Variants in ARHGEF38 observed in about 807,000 individuals in gnomAD.
The protein encoded by ARHGEF38 is Rho guanine nucleotide exchange factor 38, also known as Rho guanine nucleotide exchange factor (GEF) 38.
Under a neutral mutation model 79.9 loss-of-function variants are expected in ARHGEF38, and 79 were observed. The observed-to-expected ratio is 0.99, with a 90% CI of 0.82 to 1.19. ARHGEF38 has a LOEUF of 1.19. ARHGEF38 is among the 50% of genes most tolerant of loss of function. The pLI, the probability that ARHGEF38 is intolerant of heterozygous loss-of-function variation, is 0.00. For synonymous variants in ARHGEF38, 366 were observed against 328.3 expected, an observed-to-expected ratio of 1.11 and a Z score of -1.24; for missense variants, 962 against 907.2, an observed-to-expected ratio of 1.06 and a Z score of -0.78.
Position 105,655,618 on chromosome 4 carries a change from G to C in ARHGEF38, c.1129G>C (p.Ala377Pro). Reference protein sequence around the residue: ...LQHIQDAMPLALQSVMDLQEI... With the variant: ...LQHIQDAMPLPLQSVMDLQEI... Reference sequence around the variant, plus strand: ...TGGGTTTCAGGATGCCATGCCCCTGGCTCTGCAGAGTGTGATGGACCTTCA... The same window carrying C: ...TGGGTTTCAGGATGCCATGCCCCTGCCTCTGCAGAGTGTGATGGACCTTCA... Residue 377 changes from alanine (A) to proline (P), a missense_variant, in exon 9 of 14, where the codon GCT becomes CCT. Physicochemically the swap from Ala to Pro is conservative, Grantham distance 27. Transcript: ENST00000420470. 6.5e-7 allele frequency: 1 copy of C among 1,535,752 alleles called. No homozygotes were observed.
chr4:105,618,590 C>T (rs1342454968), intron 3 of ARHGEF38, among the ~76,000 whole-genome samples: 1 of 152,120 alleles, frequency 6.6e-6, no homozygotes, highest in Non-Finnish European at 1.5e-5. Context: ...CACTGCACTC[C>T]AGCCTGGGTG....
At chr4:105,575,744 T>G (rs1301861135) in intron 1 of ARHGEF38, among the ~76,000 whole-genome samples, 2 of 151,938 alleles carry the variant, frequency 1.3e-5, no homozygotes, top group African/African-American at 4.8e-5. Flanking sequence ...TCCAGAAGAG[T>G]TTTTTCAAAG....
chr4:105,667,181 A>G lies in ARHGEF38; in HGVS notation c.1742A>G (p.Tyr581Cys), dbSNP rs774290764. The G allele has an allele frequency of 2.6e-6, 4 of 1,536,076 alleles. No individual in the cohort carries two copies. The highest frequency in any genetic ancestry group is 1.4e-5 in the African/African-American group (1 of 73,160). ...CATCGCTCCAAACTTCTATCCACATATAGTGCAGAGGAACTCTATCAAGCT... is the reference window on the plus strand; with the variant it reads ...CATCGCTCCAAACTTCTATCCACATGTAGTGCAGAGGAACTCTATCAAGCT... ...DIHRSKLLST[Y>C]SAEELYQAKR... Residue 581 changes from tyrosine (Y) to cysteine (C), a missense_variant, in exon 12 of 14, where the codon TAT becomes TGT. Tyr to Cys is a radical substitution (Grantham distance 194). Coordinates refer to ENST00000420470, the MANE Select transcript of ARHGEF38 (RefSeq NM_001242729.2).
chr4:105,606,215 A>C (rs201198423), intron 2 of ARHGEF38, among the ~76,000 whole-genome samples: 1 of 152,070 alleles, frequency 6.6e-6, no homozygotes, highest in Admixed American at 6.6e-5. Flanking sequence ...TTGAACCTGG[A>C]TTTACTGCAA....
chr4:105,680,205 T>C lies in ARHGEF38; in HGVS notation c.*2268T>C, dbSNP rs905614263. ...AGGCCTTTCTTTTAGTGTTTTCCCTTTTCTTTTCCTTAAGTCACTAAAATC... is the reference window on the plus strand; with the variant it reads ...AGGCCTTTCTTTTAGTGTTTTCCCTCTTCTTTTCCTTAAGTCACTAAAATC... On this transcript the variant is annotated 3_prime_UTR_variant, in exon 14 of 14. Coordinates refer to ENST00000420470, the MANE Select transcript of ARHGEF38 (RefSeq NM_001242729.2). The C allele has an allele frequency of 4.2e-6, 2 of 477,712 alleles. No homozygotes were observed. Among genetic ancestry groups the C allele is most frequent in the Admixed American group, 3.3e-5 (1 of 30,402 alleles). 29.6% of individuals were successfully genotyped at this position (477,712 alleles called of 1,614,324 possible).
At chr4:105,651,650 C>A (rs776958386) in intron 7 of ARHGEF38, among the ~76,000 whole-genome samples, 7 of 152,110 alleles carry the variant, frequency 4.6e-5, no homozygotes, top group Admixed American at 1.3e-4. Flanking sequence ...TTCTCTCTCT[C>A]TTTTTTTAAA....
At chr4:105,682,524 T>C, downstream of ARHGEF38, 1 of 503,602 alleles carries the variant, frequency 2.0e-6, no homozygotes, top group Non-Finnish European at 3.5e-6. Flanking sequence ...TTTCACACAC[T>C]ATGGAAATCA....
intron 7 of ARHGEF38, among the ~76,000 whole-genome samples, chr4:105,653,776 C>T (rs1001339102): frequency 6.6e-6 from 1 of 152,122 alleles, no homozygotes; most frequent in African/African-American, 2.4e-5. Context: ...CCATTAAAAA[C>T]TACAGAGAAA....
At chr4:105,592,453 C>A (rs1347468261) in intron 2 of ARHGEF38, among the ~76,000 whole-genome samples, 1 of 152,012 alleles carries the variant, frequency 6.6e-6, no homozygotes, top group Admixed American at 6.6e-5. Flanking sequence ...GACATTACTA[C>A]CATTTCTCTC....
At chr4:105,630,169 A>C (rs1192377100) in intron 3 of ARHGEF38, among the ~76,000 whole-genome samples, 3 of 152,150 alleles carry the variant, frequency 2.0e-5, no homozygotes, top group Non-Finnish European at 4.4e-5. Context: ...TAAAGAGTAA[A>C]AATAACTTGC....
chr4:105,561,988 G>A (rs1329662531), intron 1 of ARHGEF38, among the ~76,000 whole-genome samples: 2 of 152,138 alleles, frequency 1.3e-5, no homozygotes, highest in African/African-American at 4.8e-5. Context: ...TGTAAGATTT[G>A]TTTGTGTAGA....
chr4:105,677,082 G>T (rs1446911627), intron 13 of ARHGEF38, among the ~76,000 whole-genome samples: 2 of 151,872 alleles, frequency 1.3e-5, no homozygotes, highest in Non-Finnish European at 2.9e-5. Flanking sequence ...TCCTGCCTCA[G>T]CCTCCTGAGT....
chr4:105,626,192 C>T lies in ARHGEF38; in HGVS notation c.509-4706C>T, dbSNP rs111789983. ...AACTCAATACATCTGAAATTAAACTCGTCATCTTTCTCATTAAACTCTGTT... is the reference window on the plus strand; with the variant it reads ...AACTCAATACATCTGAAATTAAACTTGTCATCTTTCTCATTAAACTCTGTT... On this transcript the variant is annotated intron_variant, in intron 3 of 13. Coordinates refer to ENST00000420470, the MANE Select transcript of ARHGEF38 (RefSeq NM_001242729.2). 4.9e-4 allele frequency among the ~76,000 whole-genome samples: 75 copies of T among 152,220 alleles called. 2 individuals are homozygous for T. Among genetic ancestry groups the T allele is most frequent in the East Asian group, 3.9e-3 (20 of 5,180 alleles).
chr4:105,642,468 G>A (rs1478327174), intron 5 of ARHGEF38, among the ~76,000 whole-genome samples: 1 of 152,186 alleles, frequency 6.6e-6, no homozygotes, highest in African/African-American at 2.4e-5. Flanking sequence ...TGAATAAAAA[G>A]TAATGATACA....
chr4:105,631,475 C>T (rs1221597216), intron 4 of ARHGEF38: 9 of 985,708 alleles, frequency 9.1e-6, no homozygotes, highest in Non-Finnish European at 1.1e-5. Context: ...TCCCCAAACT[C>T]ACTGTGGGGA....
intron 3 of ARHGEF38, among the ~76,000 whole-genome samples, chr4:105,621,271 G>A (rs1335863925): frequency 6.6e-6 from 1 of 152,140 alleles, no homozygotes; most frequent in East Asian, 1.9e-4. Context: ...CTAAGCTTTG[G>A]GATGGTTTGT....
chr4:105,647,528 A>G (rs1257286583), intron 6 of ARHGEF38, among the ~76,000 whole-genome samples: 1 of 152,242 alleles, frequency 6.6e-6, no homozygotes, highest in Admixed American at 6.5e-5. Context: ...ATACTCTAAC[A>G]AATAAAACTT....
intron 5 of ARHGEF38, among the ~76,000 whole-genome samples, chr4:105,640,379 C>T (rs768392070): frequency 3.9e-5 from 6 of 152,142 alleles, no homozygotes; most frequent in Non-Finnish European, 8.8e-5. Context: ...TCTTGTTCTT[C>T]ATTTACTTAG....
At chr4:105,651,469 A>G (rs1448937625) in intron 7 of ARHGEF38, among the ~76,000 whole-genome samples, 2 of 152,210 alleles carry the variant, frequency 1.3e-5, no homozygotes, top group African/African-American at 2.4e-5. Flanking sequence ...GATTGGGACT[A>G]CAAAGATGAA....
Sources: gnomAD v4.1 joint callset for allele counts (sites outside exome capture counted in the v4.1 genomes callset) on GRCh38, gnomAD v4.1.1 for gene constraint, MANE v1.5 for transcripts, NCBI Gene and HGNC (gene_info 2026-07-23, HGNC 2026-07-21) for gene names.